The following PLCE1 variants were observed in gnomAD, a reference collection of about 807,000 sequenced individuals.
The protein encoded by PLCE1 is phospholipase C epsilon 1.
In PLCE1, 119 loss-of-function variants were observed where a neutral mutation model predicts 242.8. The ratio of observed to expected loss-of-function variants is 0.49; its 90% CI spans 0.42 to 0.57. The LOEUF is 0.57. Among genes scored for constraint, PLCE1 ranks in the 20% least tolerant of loss-of-function variants. PLCE1 has a pLI of 0.00. For missense variants in PLCE1, 2,441 were observed against 2,788.8 expected (o/e 0.88, Z 2.81); for synonymous variants, 945 against 1,017.4 (o/e 0.93, Z 1.35).
rs989964619 is a variant in PLCE1 at position 94,238,535 on chromosome 10, T to A, written c.2420+2415T>A. Among the ~76,000 whole-genome samples, 7 of 152,318 alleles carry A rather than the reference T, an allele frequency of 4.6e-5. No individual in the cohort carries two copies. The South Asian group carries it at 6.2e-4, about 14-fold the overall frequency. ...CTAACCCTTAGCCTCTTTTTATGTC[T>A]AACTCCTGAAGATTAGGAACATCTG... is the stretch of plus-strand genomic sequence containing the variant. On this transcript the variant is annotated intron_variant, in intron 7 of 32. Transcript: ENST00000371380.
intron 3 of PLCE1, among the ~76,000 whole-genome samples, chr10:94,150,573 A>C (rs948097886): frequency 6.6e-5 from 10 of 152,214 alleles, no homozygotes; most frequent in Admixed American, 6.5e-4. Flanking sequence ...CATTTCTGCT[A>C]TCTTATCTGT....
chr10:94,140,391 A>C (rs2046918881), intron 3 of PLCE1, among the ~76,000 whole-genome samples: 1 of 151,806 alleles, frequency 6.6e-6, no homozygotes, highest in Non-Finnish European at 1.5e-5. Context: ...AAAAAAAAAA[A>C]AGTTAACCAG....
intron 3 of PLCE1, chr10:94,138,598 A>G: frequency 2.3e-6 from 1 of 428,442 alleles, no homozygotes; most frequent in Non-Finnish European, 4.6e-6. Context: ...ATCAAAGGGC[A>G]TGTCAAGTGT....
At chr10:94,170,456 T>C (rs1019745734) in intron 3 of PLCE1, among the ~76,000 whole-genome samples, 6 of 152,236 alleles carry the variant, frequency 3.9e-5, no homozygotes, top group African/African-American at 1.2e-4. Context: ...CCTACTCTGG[T>C]ACTTCCATCT....
At chr10:94,205,513 C>A (rs1465672650) in intron 4 of PLCE1, among the ~76,000 whole-genome samples, 1 of 152,196 alleles carries the variant, frequency 6.6e-6, no homozygotes, top group Non-Finnish European at 1.5e-5. Context: ...CATTGCTCTA[C>A]AAATATTCAT....
chr10:94,141,670 G>A (rs1564727633), intron 3 of PLCE1, among the ~76,000 whole-genome samples: 2 of 106,890 alleles, frequency 1.9e-5, no homozygotes, highest in African/African-American at 9.2e-5. Flanking sequence ...GGGAGGGAGG[G>A]AGGAAAGAAA....
intron 3 of PLCE1, among the ~76,000 whole-genome samples, chr10:94,150,907 C>A (rs2047254311): frequency 6.6e-6 from 1 of 152,130 alleles, no homozygotes; most frequent in South Asian, 2.1e-4. Flanking sequence ...TGAGAGCTGG[C>A]AGCAGTCTAG....
intron 8 of PLCE1, among the ~76,000 whole-genome samples, chr10:94,250,029 G>C (rs1182078640): frequency 1.3e-5 from 2 of 151,370 alleles, no homozygotes; most frequent in East Asian, 3.9e-4. Context: ...AGGTAACAGT[G>C]CATGGATATT....
intron 4 of PLCE1, among the ~76,000 whole-genome samples, chr10:94,210,207 T>G (rs1295474284): frequency 6.6e-6 from 1 of 152,064 alleles, no homozygotes; most frequent in Non-Finnish European, 1.5e-5. Flanking sequence ...CTTTTCAGTT[T>G]CTATCATCTA....
Position 94,293,757 on chromosome 10 carries a change from G to A in PLCE1, c.5167+118G>A, listed in dbSNP as rs531585015. On this transcript the variant is annotated intron_variant, in intron 23 of 32. Coordinates refer to ENST00000371380, the MANE Select transcript of PLCE1 (RefSeq NM_016341.4). ...ATTCTTTTTCCTGAACATTAATATT[G>A]TCTGAGTATAGTATAAATTTTTGTA... 19 of 1,175,744 alleles carry A rather than the reference G, an allele frequency of 1.6e-5. No individual in the cohort carries two copies. The African/African-American group carries it at 2.0e-4, about 12-fold the overall frequency. 72.8% of individuals were successfully genotyped at this position (1,175,744 alleles called of 1,614,324 possible).
At chr10:94,168,720 T>A (rs1022261398) in intron 3 of PLCE1, among the ~76,000 whole-genome samples, 3 of 152,206 alleles carry the variant, frequency 2.0e-5, no homozygotes, top group Admixed American at 1.3e-4. Flanking sequence ...TTACATTATC[T>A]CTTCTCTTAT....
intron 3 of PLCE1, chr10:94,139,120 T>C (rs1590106103): frequency 6.6e-6 from 1 of 152,430 alleles, no homozygotes; most frequent in Non-Finnish European, 1.5e-5. Context: ...ACATCTCTAC[T>C]AAAAATAACA....
chr10:94,066,489 A>C (rs905430345), intron 2 of PLCE1, among the ~76,000 whole-genome samples: 3 of 152,110 alleles, frequency 2.0e-5, no homozygotes. Context: ...TAACTCTGGT[A>C]TGGTGGAGGT....
chr10:94,004,994 G>A lies in PLCE1; in HGVS notation c.-365+10736G>A, dbSNP rs117131373. ...TCATTTGTAAGTTGTAAATTTTGAC[G>A]ATGTTTTGTTAAAGGGGCTTAGTTA... On this transcript the variant is annotated intron_variant, in intron 1 of 32. Transcript: ENST00000371380. 1.0e-3 allele frequency among the ~76,000 whole-genome samples: 154 copies of A among 152,316 alleles called. 1 individual carries two copies. The highest frequency in any genetic ancestry group is 2.0e-3 in the Non-Finnish European group (138 of 68,014).
At chr10:94,189,725 C>T (rs1455888326) in intron 4 of PLCE1, among the ~76,000 whole-genome samples, 1 of 152,112 alleles carries the variant, frequency 6.6e-6, no homozygotes, top group African/African-American at 2.4e-5. Context: ...AGTGACTGTT[C>T]ACATAGGGAG....
intron 4 of PLCE1, among the ~76,000 whole-genome samples, chr10:94,176,079 A>G (rs2048117474): frequency 6.6e-6 from 1 of 152,168 alleles, no homozygotes; most frequent in South Asian, 2.1e-4. Flanking sequence ...GTATATACCT[A>G]GAAGTGGGGT....
intron 4 of PLCE1, among the ~76,000 whole-genome samples, chr10:94,181,982 A>G (rs993437944): frequency 6.6e-6 from 1 of 152,172 alleles, no homozygotes; most frequent in Non-Finnish European, 1.5e-5. Flanking sequence ...CTACCAACAC[A>G]CCAATAGTTG....
chr10:94,210,500 C>T (rs1053081849), intron 4 of PLCE1, among the ~76,000 whole-genome samples: 9 of 152,162 alleles, frequency 5.9e-5, no homozygotes, highest in Non-Finnish European at 1.2e-4. Context: ...CTTGAGCTTG[C>T]TCACCAAAAT....
intron 4 of PLCE1, among the ~76,000 whole-genome samples, chr10:94,210,116 G>C (rs1281384655): frequency 6.6e-6 from 1 of 151,230 alleles, no homozygotes; most frequent in Non-Finnish European, 1.5e-5. Flanking sequence ...GGTTTCGTTT[G>C]GTGTTTTTTT....
Sources: gnomAD v4.1 joint callset for allele counts (sites outside exome capture counted in the v4.1 genomes callset) on GRCh38, gnomAD v4.1.1 for gene constraint, MANE v1.5 for transcripts, NCBI Gene and HGNC (gene_info 2026-07-23, HGNC 2026-07-21) for gene names.